The following TRAPPC2B variants were observed in gnomAD, a reference collection of about 807,000 sequenced individuals.
TRAPPC2B encodes MBP-1 interacting protein-2A.
In TRAPPC2B, 5 loss-of-function variants were observed where a neutral mutation model predicts 8.4. That is an observed-to-expected ratio of 0.59 (90% CI 0.31 to 1.25). The LOEUF is 1.25. TRAPPC2B is among the 50% of genes most tolerant of loss of function. TRAPPC2B has a pLI of 0.06. For synonymous variants in TRAPPC2B, 46 were observed against 58.1 expected (o/e 0.79, Z 0.95); for missense variants, 161 against 173.2 (o/e 0.93, Z 0.40).
chr19:57,364,456 AG>A, intron 1 of TRAPPC2B: 5 of 296,800 alleles, frequency 1.7e-5, no homozygotes, highest in South Asian at 1.1e-4. Flanking sequence ...AAAAGAATAG[AG>A]GGTGGCCGGG....
In TRAPPC2B at chr19:57,364,975, C is replaced by T. The variant is rs1316996371; in HGVS notation, c.142C>T (p.Leu48Phe). 2 of 1,612,858 alleles carry T rather than the reference C, an allele frequency of 1.2e-6. No homozygotes were observed. The highest frequency in any genetic ancestry group is 2.7e-5 in the African/African-American group (2 of 74,884). The change falls in exon 2 of 2, where the codon CTC (leucine) becomes TTC (phenylalanine). Residue 48 changes from leucine to phenylalanine, a missense_variant. Coordinates refer to ENST00000543226, the MANE Select transcript of TRAPPC2B (RefSeq NM_001355204.2). ...NQFIAHAALD[L>F]VDENMWLSNN... ...GTTCATAGCTCATGCTGCTCTCGAC[C>T]TCGTAGATGAGAACATGTGGCTGTC...
At position 57,364,950 on chromosome 19, in the gene TRAPPC2B, G is replaced by C; in HGVS notation, c.117G>C (p.Gln39His). Reference sequence around the variant, plus strand: ...AAGACGACCATCGTCATCTGAACCAGTTCATAGCTCATGCTGCTCTCGACC... The same window carrying C: ...AAGACGACCATCGTCATCTGAACCACTTCATAGCTCATGCTGCTCTCGACC... ...ESKDDHRHLN[Q>H]FIAHAALDLV... The change falls in exon 2 of 2, where the codon CAG becomes CAC. Residue 39 changes from glutamine to histidine, a missense_variant. Transcript: ENST00000543226. 6.2e-7 allele frequency: 1 copy of C among 1,613,118 alleles called. No homozygotes were observed.
chr19:57,364,944 G>C lies in TRAPPC2B; in HGVS notation c.111G>C (p.Leu37=), dbSNP rs770581561. ...KAESKDDHRH[L]NQFIAHAALD... ...AATCCAAAGACGACCATCGTCATCT[G>C]AACCAGTTCATAGCTCATGCTGCTC... Residue 37 remains leucine, a synonymous_variant, in exon 2 of 2, where the codon CTG becomes CTC. Coordinates refer to ENST00000543226, the MANE Select transcript of TRAPPC2B (RefSeq NM_001355204.2). 1 of 1,612,964 alleles carries C rather than the reference G, an allele frequency of 6.2e-7. No individual in the cohort carries two copies. Among genetic ancestry groups the C allele is most frequent in the African/African-American group, 1.3e-5 (1 of 74,910 alleles).
chr19:57,364,465 G>GTATCAT, intron 1 of TRAPPC2B: 3 of 220,630 alleles, frequency 1.4e-5, no homozygotes, highest in South Asian at 1.5e-4. Context: ...GAGGGTGGCC[G>GTATCAT]GGCGTGGTGG....
chr19:57,365,100 A>G lies in TRAPPC2B; in HGVS notation c.267A>G (p.Ile89Met). Residue 89 changes from isoleucine to methionine, a missense_variant, in exon 2 of 2, where the codon ATA becomes ATG. Coordinates refer to ENST00000543226, the MANE Select transcript of TRAPPC2B (RefSeq NM_001355204.2). The stretch of plus-strand genomic sequence containing the variant: ...TGAGGTTTATTATGCTTCATGACAT[A>G]AGACAAGAAGATGGAATAAAGAACT... Reference protein sequence around the residue: ...GHMRFIMLHDIRQEDGIKNFF... With the variant: ...GHMRFIMLHDMRQEDGIKNFF... The G allele has an allele frequency of 6.2e-7, 1 of 1,609,136 alleles. No homozygotes were observed. The highest frequency in any genetic ancestry group is 8.5e-7 in the Non-Finnish European group (1 of 1,176,092).
intron 1 of TRAPPC2B, chr19:57,363,961 T>G (rs1444802959): frequency 6.6e-6 from 1 of 151,452 alleles, no homozygotes; most frequent in Non-Finnish European, 1.5e-5. Flanking sequence ...AAAGAGAGGG[T>G]TTTGTGAATT....
In TRAPPC2B at chr19:57,365,001, G is replaced by A. The variant is rs2123008113; in HGVS notation, c.168G>A (p.Ser56=). 4 of 1,612,606 alleles carry A rather than the reference G, an allele frequency of 2.5e-6. No individual in the cohort carries two copies. The highest frequency in any genetic ancestry group is 1.3e-5 in the African/African-American group (1 of 75,018). The stretch of plus-strand genomic sequence containing the variant: ...TCGTAGATGAGAACATGTGGCTGTC[G>A]AACAACATGTACTTGAAAACTGTGG... ...LDLVDENMWL[S]NNMYLKTVDK... is the part of the protein sequence containing the mutation. The change falls in exon 2 of 2, where the codon TCG becomes TCA. Residue 56 remains serine, a synonymous_variant. Coordinates refer to ENST00000543226, the MANE Select transcript of TRAPPC2B (RefSeq NM_001355204.2).
chr19:57,363,616 G>T lies in TRAPPC2B; in HGVS notation c.-107G>T. 1 of 153,246 alleles carries T rather than the reference G, an allele frequency of 6.5e-6. No individual in the cohort carries two copies. The highest frequency in any genetic ancestry group is 1.8e-4 in the South Asian group (1 of 5,638). The allele number at this position is 153,246 out of a possible 1,614,324, so 9.5% of individuals were successfully genotyped here. On this transcript the variant is annotated 5_prime_UTR_variant, in exon 1 of 2. Transcript: ENST00000543226. The stretch of plus-strand genomic sequence containing the variant: ...GCAGAAGCTCAGCTGACAAGGACTG[G>T]GGACGGCGGTGTCCTTGTCTTGCCT...
In TRAPPC2B at chr19:57,365,283, A is replaced by G. The variant is rs1043322; in HGVS notation, c.*27A>G. 3 of 1,422,538 alleles carry G rather than the reference A, an allele frequency of 2.1e-6. 1 individual carries two copies. The highest frequency in any genetic ancestry group is 2.5e-5 in the South Asian group (2 of 81,332). 88.1% of individuals were successfully genotyped at this position (1,422,538 alleles called of 1,614,324 possible). On this transcript the variant is annotated 3_prime_UTR_variant, in exon 2 of 2. Transcript: ENST00000543226. ...TGGAGAAAATTCCAAAATAAATTAT[A>G]TCACCACAATGGTGTATACTCAGGA... is the stretch of plus-strand genomic sequence containing the variant.
At position 57,365,099 on chromosome 19, in the gene TRAPPC2B, TAAGAC is replaced by T. The variant is rs748545771; in HGVS notation, c.271_275del (p.Gln91ArgfsTer9). ...ATGAGGTTTATTATGCTTCATGACA[TAAGAC>T]AAGAAGATGGAATAAAGAACTTCTT... is the stretch of plus-strand genomic sequence containing the variant. On this transcript the variant is annotated frameshift_variant, in exon 2 of 2. Coordinates refer to ENST00000543226, the MANE Select transcript of TRAPPC2B (RefSeq NM_001355204.2). LOFTEE classifies it high-confidence loss of function. 8.9e-5 allele frequency: 143 copies of T among 1,609,850 alleles called. No individual in the cohort carries two copies. Among genetic ancestry groups the T allele is most frequent in the South Asian group, 1.1e-4 (10 of 90,880 alleles).
At chr19:57,364,610 G>T (rs1306134569) in intron 1 of TRAPPC2B, 5 of 586,416 alleles carry the variant, frequency 8.5e-6, no homozygotes, top group African/African-American at 1.9e-5. Context: ...GGGTGGTGAC[G>T]CGCGCCTGTA....
Position 57,365,206 on chromosome 19 carries a change from G to T in TRAPPC2B, c.373G>T (p.Ala125Ser), listed in dbSNP as rs1283339331. 4 of 1,587,664 alleles carry T rather than the reference G, an allele frequency of 2.5e-6. No homozygotes were observed. Among genetic ancestry groups the T allele is most frequent in the Non-Finnish European group, 3.4e-6 (4 of 1,165,850 alleles). ...ACCCAATTCTCCTATTCGATCAAGTGCATTTGACAGAAAAGTTCAGTTTCT... is the reference window on the plus strand; with the variant it reads ...ACCCAATTCTCCTATTCGATCAAGTTCATTTGACAGAAAAGTTCAGTTTCT... ...YEPNSPIRSS[A>S]FDRKVQFLGK... Residue 125 changes from alanine (A) to serine (S), a missense_variant, in exon 2 of 2, where the codon GCA (alanine) becomes TCA (serine). By Grantham distance (99) the Ala-to-Ser change is moderately conservative (BLOSUM62 1). Coordinates refer to ENST00000543226, the MANE Select transcript of TRAPPC2B (RefSeq NM_001355204.2).
chr19:57,364,904 C>T lies in TRAPPC2B; in HGVS notation c.71C>T (p.Pro24Leu). The T allele has an allele frequency of 6.2e-7, 1 of 1,612,454 alleles. No individual in the cohort carries two copies. Among genetic ancestry groups the T allele is most frequent in the South Asian group, 1.1e-5 (1 of 90,950 alleles). ...DNPVFEMEFL[P>L]AGKAESKDDH... is the part of the protein sequence containing the mutation. ...CCAGTTTTTGAAATGGAGTTTTTGC[C>T]AGCTGGGAAGGCAGAATCCAAAGAC... is the stretch of plus-strand genomic sequence containing the variant. The change falls in exon 2 of 2, where the codon CCA becomes CTA. Residue 24 changes from proline to leucine, a missense_variant. By Grantham distance (98) the Pro-to-Leu change is moderately conservative. Transcript: ENST00000543226.
At position 57,365,285 on chromosome 19, in the gene TRAPPC2B, C is replaced by T; in HGVS notation, c.*29C>T. ...GAGAAAATTCCAAAATAAATTATAT[C>T]ACCACAATGGTGTATACTCAGGAAT... On this transcript the variant is annotated 3_prime_UTR_variant, in exon 2 of 2. Transcript: ENST00000543226. 1 of 1,410,588 alleles carries T rather than the reference C, an allele frequency of 7.1e-7. No homozygotes were observed. Among genetic ancestry groups the T allele is most frequent in the Non-Finnish European group, 9.8e-7 (1 of 1,019,398 alleles). 87.4% of individuals were successfully genotyped at this position (1,410,588 alleles called of 1,614,324 possible).
Position 57,365,062 on chromosome 19 carries a change from A to C in TRAPPC2B, c.229A>C (p.Thr77Pro), listed in dbSNP as rs762009429. The C allele has an allele frequency of 4.3e-6, 7 of 1,611,118 alleles. No homozygotes were observed. Among genetic ancestry groups the C allele is most frequent in the Non-Finnish European group, 5.9e-6 (7 of 1,177,544 alleles). Residue 77 changes from threonine to proline, a missense_variant, in exon 2 of 2, where the codon ACC (threonine) becomes CCC (proline). Physicochemically the swap from Thr to Pro is conservative, Grantham distance 38 (BLOSUM62 -1). Coordinates refer to ENST00000543226, the MANE Select transcript of TRAPPC2B (RefSeq NM_001355204.2). ...CGAGTGGTTTGTGTCAGCATTTGTC[A>C]CCGCGGGGCATATGAGGTTTATTAT... ...FNEWFVSAFV[T>P]AGHMRFIMLH...
At chr19:57,364,596 C>A (rs577104372) in intron 1 of TRAPPC2B, 239 of 570,910 alleles carry the variant, frequency 4.2e-4, no homozygotes, top group Middle Eastern at 9.3e-4. Context: ...CAAAAATTAG[C>A]CGGGGGTGGT....
chr19:57,364,811 G>A lies in TRAPPC2B; in HGVS notation c.-19-4G>A. On this transcript the variant is annotated splice_polypyrimidine_tract_variant and splice_region_variant and intron_variant, in intron 1 of 1. Transcript: ENST00000543226. The stretch of plus-strand genomic sequence containing the variant: ...GCGTTTCCGTTGTCGGCCTCCCGCT[G>A]CAGGAGCCATATATTGAAGACCATG... 6.3e-7 allele frequency: 1 copy of A among 1,578,422 alleles called. No homozygotes were observed.
chr19:57,363,671 T>C lies in TRAPPC2B; in HGVS notation c.-52T>C, dbSNP rs539155079. The stretch of plus-strand genomic sequence containing the variant: ...CGCCCCCGCCCCTCTCTTCCCTGGC[T>C]GGACTTGCGGAGTCCCCGCCGAAGA... On this transcript the variant is annotated 5_prime_UTR_variant, in exon 1 of 2. Coordinates refer to ENST00000543226, the MANE Select transcript of TRAPPC2B (RefSeq NM_001355204.2). The C allele has an allele frequency of 1.5e-4, 23 of 153,398 alleles. 1 individual carries two copies. The South Asian group carries it at 4.0e-3, about 27-fold the overall frequency. 9.5% of individuals were successfully genotyped at this position (153,398 alleles called of 1,614,324 possible).
chr19:57,364,443 T>TCCGTA, intron 1 of TRAPPC2B: 1 of 206,440 alleles, frequency 4.8e-6, no homozygotes. Flanking sequence ...GTGTAGATTC[T>TCCGTA]TCAAAAGAAT....
Sources: gnomAD v4.1 joint callset for allele counts on GRCh38, gnomAD v4.1.1 for gene constraint, MANE v1.5 for transcripts, NCBI Gene and HGNC (gene_info 2026-07-23, HGNC 2026-07-21) for gene names.